Variants in PSD2 observed in about 807,000 individuals in gnomAD.
PSD2 encodes PH and SEC7 domain-containing protein 2.
In PSD2, 38 loss-of-function variants were observed where a neutral mutation model predicts 69.8. The ratio of observed to expected loss-of-function variants is 0.54; its 90% CI spans 0.42 to 0.71. The LOEUF (loss-of-function observed/expected upper bound fraction) is 0.71, where lower values mean the gene tolerates loss of function less well. PSD2 is among the 30% of genes least tolerant of loss of function. The pLI is 0.00. For synonymous variants in PSD2, 412 were observed against 423.0 expected (o/e 0.97, Z 0.32); for missense variants, 943 against 1,014.5 (o/e 0.93, Z 0.96).
At chr5:139,757,407 G>A in the PSD2 span, among the ~76,000 whole-genome samples, 32 of 152,206 alleles carry the variant, frequency 2.1e-4, no homozygotes, top group Non-Finnish European at 3.5e-4. Context: ...GTAAGTGAAC[G>A]TAGCAAAGGG....
the PSD2 span, among the ~76,000 whole-genome samples, chr5:139,753,907 G>C: frequency 6.6e-6 from 1 of 152,072 alleles, no homozygotes; most frequent in Non-Finnish European, 1.5e-5. Context: ...TGCAATCTTG[G>C]CTCACCGCAA....
chr5:139,767,933 G>A, the PSD2 span, among the ~76,000 whole-genome samples: 11 of 152,356 alleles, frequency 7.2e-5, no homozygotes, highest in South Asian at 2.3e-3. Flanking sequence ...TGACCCCAGG[G>A]CACCAGGATG....
Position 139,840,176 on chromosome 5 carries a change from C to G in PSD2, c.2112+6C>G, listed in dbSNP as rs768589081. On this transcript the variant is annotated splice_donor_region_variant and intron_variant, in intron 14 of 14. Coordinates refer to ENST00000274710, the MANE Select transcript of PSD2 (RefSeq NM_032289.4). ...AGCACTATCTCACCTTCGAGGTGAG[C>G]CTTGGGGGACTGGATTGCAAAGCCC... 9 of 1,613,396 alleles carry G rather than the reference C, an allele frequency of 5.6e-6. No homozygotes were observed. The highest frequency in any genetic ancestry group is 3.3e-5 in the South Asian group (3 of 91,034).
chr5:139,814,449 G>A lies in PSD2; in HGVS notation c.1016+85G>A, dbSNP rs974883646. 7 of 1,302,398 alleles carry A rather than the reference G, an allele frequency of 5.4e-6. No homozygotes were observed. The highest frequency in any genetic ancestry group is 7.2e-6 in the Non-Finnish European group (7 of 974,350). 80.7% of individuals were successfully genotyped at this position (1,302,398 alleles called of 1,614,324 possible). ...AGAGGGTGTGGGTGACCTTCTTCAG[G>A]GGTGCCAGGTGCTGGGGGGGCACTC... On this transcript the variant is annotated intron_variant, in intron 4 of 14. Coordinates refer to ENST00000274710, the MANE Select transcript of PSD2 (RefSeq NM_032289.4). This position sits in a 1 kb window ranked among gnomAD's most constrained non-coding sequence, Gnocchi z 4.4.
At position 139,840,037 on chromosome 5, in the gene PSD2, T is replaced by G. The variant is rs560229318; in HGVS notation, c.1979T>G (p.Leu660Arg). The G allele has an allele frequency of 2.4e-5, 38 of 1,614,046 alleles. No individual in the cohort carries two copies. The highest frequency in any genetic ancestry group is 3.1e-5 in the Non-Finnish European group (37 of 1,180,038). ...GATTTGTCTTTGCAGGAGGAGCAAC[T>G]GCGGTCTCATGAGAATAAGTTGAGG... ...CTTRLCQEEQ[L>R]RSHENKLRQL... The change falls in exon 14 of 15, where the codon CTG (leucine) becomes CGG (arginine). Residue 660 changes from leucine (L) to arginine (R), a missense_variant. Physicochemically the swap from Leu to Arg is moderately radical, Grantham distance 102. Transcript: ENST00000274710.
At chr5:139,755,264 G>A in the PSD2 span, among the ~76,000 whole-genome samples, 1 of 152,132 alleles carries the variant, frequency 6.6e-6, no homozygotes, top group African/African-American at 2.4e-5. Flanking sequence ...TTGGGCTCTC[G>A]CTCGAATACA....
In PSD2 at chr5:139,836,257, T is replaced by C. The variant is rs112532984; in HGVS notation, c.1403+491T>C. Reference sequence around the variant, plus strand: ...GAAAGAGGGGTGTTGACCTTGCTGTTTGGGGAGACCGTGAAAGGCTCTGCT... The same window carrying C: ...GAAAGAGGGGTGTTGACCTTGCTGTCTGGGGAGACCGTGAAAGGCTCTGCT... On this transcript the variant is annotated intron_variant, in intron 9 of 14. Transcript: ENST00000274710. Among the ~76,000 whole-genome samples, 218 of 152,284 alleles carry C rather than the reference T, an allele frequency of 1.4e-3. 1 individual carries two copies. Among genetic ancestry groups the C allele is most frequent in the African/African-American group, 5.1e-3 (211 of 41,578 alleles).
At chr5:139,747,872 C>G in the PSD2 span, among the ~76,000 whole-genome samples, 8 of 152,224 alleles carry the variant, frequency 5.3e-5, no homozygotes, top group Non-Finnish European at 1.0e-4. The surrounding 1 kb of genome is among the most constrained non-coding windows in gnomAD (Gnocchi z 6.7). Flanking sequence ...GAGCGCGGTG[C>G]GCGGGGCTGG....
chr5:139,800,297 A>C (rs987698342), intron 1 of PSD2, among the ~76,000 whole-genome samples: 1 of 152,238 alleles, frequency 6.6e-6, no homozygotes, highest in African/African-American at 2.4e-5. Context: ...AACTGCCCTG[A>C]CTGTTCTCAC....
Position 139,822,014 on chromosome 5 carries a change from C to T in PSD2, c.1210+9C>T. ...TGACAGCACTTCGGAAGGTATGGCC[C>T]CTTGCCCACTCTGCCTGACCCTCCC... On this transcript the variant is annotated intron_variant, in intron 6 of 14. Transcript: ENST00000274710. 6.4e-7 allele frequency: 1 copy of T among 1,568,842 alleles called. No homozygotes were observed. The highest frequency in any genetic ancestry group is 8.7e-7 in the Non-Finnish European group (1 of 1,145,700).
At chr5:139,760,148 G>A in the PSD2 span, among the ~76,000 whole-genome samples, 1 of 152,256 alleles carries the variant, frequency 6.6e-6, no homozygotes, top group Non-Finnish European at 1.5e-5. Context: ...GGACAGGGTT[G>A]CTGACTGCTT....
At chr5:139,760,569 C>T in the PSD2 span, among the ~76,000 whole-genome samples, 4 of 152,182 alleles carry the variant, frequency 2.6e-5, no homozygotes, top group Non-Finnish European at 5.9e-5. Flanking sequence ...CCAGCTCTGC[C>T]CCTGATCCTC....
At position 139,820,272 on chromosome 5, in the gene PSD2, C is replaced by G. The variant is rs534021642; in HGVS notation, c.1098-1621C>G. 5.3e-5 allele frequency among the ~76,000 whole-genome samples: 8 copies of G among 151,838 alleles called. No individual in the cohort carries two copies. The South Asian group carries it at 1.7e-3, about 32-fold the overall frequency. Reference sequence around the variant, plus strand: ...TGGGATGGATGGCTCATAGGTAAGACAGGCTACGGTTTGAATGGGGGAGGT... The same window carrying G: ...TGGGATGGATGGCTCATAGGTAAGAGAGGCTACGGTTTGAATGGGGGAGGT... On this transcript the variant is annotated intron_variant, in intron 5 of 14. Transcript: ENST00000274710.
At chr5:139,807,824 T>C (rs1292059609) in intron 1 of PSD2, among the ~76,000 whole-genome samples, 1 of 152,168 alleles carries the variant, frequency 6.6e-6, no homozygotes, top group African/African-American at 2.4e-5. Flanking sequence ...AGTGAGACTT[T>C]TCTTCTGGAG....
chr5:139,770,935 A>T, the PSD2 span, among the ~76,000 whole-genome samples: 1 of 152,262 alleles, frequency 6.6e-6, no homozygotes, highest in Non-Finnish European at 1.5e-5. Flanking sequence ...ATTTGCATTT[A>T]AAACTGACAT....
intron 1 of PSD2, among the ~76,000 whole-genome samples, chr5:139,800,832 C>A (rs1459170932): frequency 1.3e-5 from 2 of 152,160 alleles, no homozygotes; most frequent in African/African-American, 4.8e-5. Flanking sequence ...TCCAGCAGGG[C>A]CCCCGCCTGC....
At chr5:139,744,143 G>A in the PSD2 span, among the ~76,000 whole-genome samples, 1 of 152,332 alleles carries the variant, frequency 6.6e-6, no homozygotes, top group African/African-American at 2.4e-5. Flanking sequence ...GGAAGTATGA[G>A]ACGACCCCTT....
chr5:139,843,136 C>T lies in PSD2; in HGVS notation c.*662C>T, dbSNP rs1760917698. The T allele has an allele frequency of 1.3e-5, 2 of 152,492 alleles. No individual in the cohort carries two copies. Among genetic ancestry groups the T allele is most frequent in the African/African-American group, 4.8e-5 (2 of 41,438 alleles). 9.4% of individuals were successfully genotyped at this position (152,492 alleles called of 1,614,324 possible). ...TATACATCTATAAGAATAATATATA[C>T]ATAAGGAACCCCTGAAAGATGGTTT... On this transcript the variant is annotated 3_prime_UTR_variant, in exon 15 of 15. Coordinates refer to ENST00000274710, the MANE Select transcript of PSD2 (RefSeq NM_032289.4).
chr5:139,817,403 G>C (rs1449741137), intron 4 of PSD2, 78 bp from the exon 5 acceptor site: 1 of 1,346,378 alleles, frequency 7.4e-7, no homozygotes, highest in Non-Finnish European at 1.1e-6. Context: ...GGGTACCCTG[G>C]GCCCAAGTAA....
Sources: gnomAD v4.1 joint callset for allele counts (sites outside exome capture counted in the v4.1 genomes callset) on GRCh38, gnomAD v4.1.1 for gene constraint, Gnocchi (gnomAD v3.1) non-coding constraint, MANE v1.5 for transcripts, NCBI Gene and HGNC (gene_info 2026-07-23, HGNC 2026-07-21) for gene names.